CEP112: variants seen among roughly 807,000 people sequenced by gnomAD.
The protein encoded by CEP112 is centrosomal protein of 112 kDa.
CEP112 carries 127 observed loss-of-function variants against 153.0 expected under a neutral mutation model. That is an observed-to-expected ratio of 0.83 (90% CI 0.72 to 0.96). The LOEUF (loss-of-function observed/expected upper bound fraction) is 0.96. Ranked by LOEUF, CEP112 falls within the 40% of genes least tolerant of loss-of-function variation. The probability of loss-of-function intolerance (pLI) is 0.00; values close to 1 mark genes in which losing one functional copy is unlikely to be tolerated. For missense variants in CEP112, 1,089 were observed against 1,101.2 expected, an observed-to-expected ratio of 0.99 and a Z score of 0.16; for synonymous variants, 358 against 374.4, an observed-to-expected ratio of 0.96 and a Z score of 0.51.
intron 23 of CEP112, among the ~76,000 whole-genome samples, chr17:65,714,222 G>A (rs1194689028): frequency 6.6e-6 from 1 of 152,028 alleles, no homozygotes; most frequent in East Asian, 1.9e-4. Flanking sequence ...ATACACGTGT[G>A]TATATGTGTA....
intron 17 of CEP112, among the ~76,000 whole-genome samples, chr17:65,987,797 C>T (rs1001955994): frequency 2.0e-5 from 3 of 152,166 alleles, no homozygotes; most frequent in Admixed American, 6.5e-5. Context: ...CTCCAATCTG[C>T]CCAGGCATAC....
At chr17:66,126,321 T>C (rs1345127589) in intron 6 of CEP112, among the ~76,000 whole-genome samples, 3 of 152,172 alleles carry the variant, frequency 2.0e-5, no homozygotes, top group East Asian at 3.9e-4. Context: ...GCAAAATAAA[T>C]AGAATCTAAA....
chr17:65,910,736 C>T (rs139128911), intron 19 of CEP112, among the ~76,000 whole-genome samples: 1 of 152,066 alleles, frequency 6.6e-6, no homozygotes, highest in Non-Finnish European at 1.5e-5. Context: ...AAGTAGGAAA[C>T]GTGAAAAGAA....
intron 21 of CEP112, among the ~76,000 whole-genome samples, chr17:65,756,146 G>A (rs2052247193): frequency 1.3e-5 from 2 of 152,188 alleles, no homozygotes; most frequent in Admixed American, 1.3e-4. Context: ...GCTCATGCCT[G>A]TAATCCCAGC....
intron 17 of CEP112, among the ~76,000 whole-genome samples, chr17:65,986,117 C>T (rs1795258578): frequency 6.6e-6 from 1 of 151,996 alleles, no homozygotes; most frequent in Non-Finnish European, 1.5e-5. Flanking sequence ...ATCTGGCTAA[C>T]ATCTCTCCAA....
At chr17:65,901,336 C>T (rs543907695) in intron 20 of CEP112, among the ~76,000 whole-genome samples, 2 of 152,150 alleles carry the variant, frequency 1.3e-5, no homozygotes, top group East Asian at 1.9e-4. Flanking sequence ...TTATCAATTG[C>T]TCTTAAATTT....
chr17:65,713,867 A>C (rs1464604106), intron 23 of CEP112, among the ~76,000 whole-genome samples: 1 of 152,062 alleles, frequency 6.6e-6, no homozygotes, highest in Non-Finnish European at 1.5e-5. Flanking sequence ...GGATTACAGG[A>C]GTGAGTCACC....
At chr17:65,879,203 T>C (rs904651440) in intron 20 of CEP112, among the ~76,000 whole-genome samples, 1 of 152,172 alleles carries the variant, frequency 6.6e-6, no homozygotes, top group Non-Finnish European at 1.5e-5. Context: ...ATCGTAATCA[T>C]GAGGGTCCAT....
intron 16 of CEP112, among the ~76,000 whole-genome samples, chr17:66,006,528 C>A (rs952131534): frequency 2.0e-5 from 3 of 152,038 alleles, no homozygotes; most frequent in African/African-American, 7.2e-5. Context: ...ATCGCTTGAA[C>A]CCAGGAGGTG....
intron 4 of CEP112, among the ~76,000 whole-genome samples, chr17:66,160,830 T>C (rs897632667): frequency 6.6e-6 from 1 of 152,026 alleles, no homozygotes; most frequent in Admixed American, 6.6e-5. Flanking sequence ...AAAGCCAAAA[T>C]TGACAAATGG....
intron 8 of CEP112, among the ~76,000 whole-genome samples, chr17:66,088,937 A>C (rs1598328515): frequency 6.6e-6 from 1 of 152,300 alleles, no homozygotes; most frequent in East Asian, 1.9e-4. Flanking sequence ...GAACCAGGTC[A>C]GCCCTTGCAG....
intron 20 of CEP112, among the ~76,000 whole-genome samples, chr17:65,880,075 G>A (rs2059006484): frequency 6.8e-6 from 1 of 148,058 alleles, no homozygotes; most frequent in African/African-American, 2.5e-5. Flanking sequence ...TGGGAACCTT[G>A]TGGTTTTGTG....
intron 21 of CEP112, among the ~76,000 whole-genome samples, chr17:65,796,463 T>C (rs1466569434): frequency 1.3e-5 from 2 of 152,162 alleles, no homozygotes; most frequent in African/African-American, 4.8e-5. Context: ...CTTTAAAAAT[T>C]AGCAAACAAT....
At chr17:66,084,601 C>T (rs1415865748) in intron 8 of CEP112, among the ~76,000 whole-genome samples, 1 of 151,600 alleles carries the variant, frequency 6.6e-6, no homozygotes, top group East Asian at 1.9e-4. Context: ...TTTGTGGGAG[C>T]TAAAAATTAA....
chr17:66,084,689 G>T (rs1393177853), intron 8 of CEP112, among the ~76,000 whole-genome samples: 1 of 152,056 alleles, frequency 6.6e-6, no homozygotes, highest in African/African-American at 2.4e-5. Flanking sequence ...AGGCAGGGGG[G>T]GAGTTGGGAT....
rs2044812999 is a variant in CEP112, at chr17:65,637,115, G to A, written c.2864+9C>T. 1 of 1,610,896 alleles carries A rather than the reference G, an allele frequency of 6.2e-7. No individual in the cohort carries two copies. The highest frequency in any genetic ancestry group is 1.3e-5 in the African/African-American group (1 of 74,850). On this transcript the variant is annotated intron_variant, in intron 26 of 26. Coordinates refer to ENST00000535342, the MANE Select transcript of CEP112 (RefSeq NM_001199165.4). Reference sequence around the variant, plus strand: ...ATCAGGAGACAAGACACCTGCTTATGGGCTGTACCTTCTGCCTTGATATGT... The same window carrying A: ...ATCAGGAGACAAGACACCTGCTTATAGGCTGTACCTTCTGCCTTGATATGT...
rs1452079467 is a variant in CEP112 at position 65,635,707 on chromosome 17, A to G, written c.*264T>C. ...ATATCATAGGAAATCACTTTGCCCAATATAAGCAGTTCTCAGCACATACTC... is the reference window on the plus strand; with the variant it reads ...ATATCATAGGAAATCACTTTGCCCAGTATAAGCAGTTCTCAGCACATACTC... On this transcript the variant is annotated 3_prime_UTR_variant, in exon 27 of 27. Coordinates refer to ENST00000535342, the MANE Select transcript of CEP112 (RefSeq NM_001199165.4). 4 of 492,718 alleles carry G rather than the reference A, an allele frequency of 8.1e-6. No individual in the cohort carries two copies. The highest frequency in any genetic ancestry group is 8.0e-5 in the South Asian group (2 of 24,916). The allele number at this position is 492,718 out of a possible 1,614,324, so 30.5% of individuals were successfully genotyped here.
At chr17:65,734,459 T>TA (rs1219244778) in intron 23 of CEP112, among the ~76,000 whole-genome samples, 1 of 152,216 alleles carries the variant, frequency 6.6e-6, no homozygotes, top group Non-Finnish European at 1.5e-5. Flanking sequence ...ACTGAGTTTA[T>TA]CATATTACAT....
chr17:65,725,190 G>A (rs187351066), intron 23 of CEP112, among the ~76,000 whole-genome samples: 5 of 152,200 alleles, frequency 3.3e-5, no homozygotes, highest in African/African-American at 4.8e-5. Context: ...AACATTTTGT[G>A]GGGGTGGGGA....
Sources: allele counts gnomAD v4.1 joint callset (sites outside exome capture counted in the v4.1 genomes callset), GRCh38; gene constraint gnomAD v4.1.1; transcripts MANE v1.5; gene names NCBI Gene and HGNC (gene_info 2026-07-23, HGNC 2026-07-21).